PHKA2: variants seen among roughly 807,000 people sequenced by gnomAD.
PHKA2 encodes phosphorylase b kinase regulatory subunit alpha, liver isoform.
A neutral mutation model predicts 102.0 loss-of-function variants in PHKA2; 31 were observed. That is an observed-to-expected ratio of 0.30 (90% CI 0.23 to 0.41). PHKA2 has a LOEUF of 0.41. Ranked by LOEUF, PHKA2 falls within the 10% of genes least tolerant of loss-of-function variation. The probability of loss-of-function intolerance (pLI) is 1.00; values close to 1 mark genes in which losing one functional copy is unlikely to be tolerated. For missense variants in PHKA2, 858 were observed against 1,023.1 expected, an observed-to-expected ratio of 0.84 and a Z score of 2.20; for synonymous variants, 455 against 416.2, an observed-to-expected ratio of 1.09 and a Z score of -1.13.
intron 13 of PHKA2, among the ~76,000 whole-genome samples, chrX:18,927,023 A>G (rs1243005389): frequency 9.0e-6 from 1 of 111,657 alleles, no homozygotes; most frequent in Non-Finnish European, 1.9e-5. Context: ...CGGGGGAAAG[A>G]AGAGTAAGAT....
intron 29 of PHKA2, 84 bp from the exon 30 acceptor site, chrX:18,897,417 G>A (rs770932601): frequency 2.7e-5 from 25 of 928,265 alleles, no homozygotes; most frequent in African/African-American, 2.3e-4. Flanking sequence ...GCGGCCCTGC[G>A]ACCTAGGCAC....
chrX:18,969,837 G>T (rs1412133181), intron 1 of PHKA2, among the ~76,000 whole-genome samples: 11 of 112,083 alleles, frequency 9.8e-5, no homozygotes, highest in Admixed American at 9.5e-4. Context: ...GTGTCCATAA[G>T]CAAGATATAA....
intron 1 of PHKA2, among the ~76,000 whole-genome samples, chrX:18,961,581 C>G (rs1453731797): frequency 2.9e-5 from 3 of 104,881 alleles, no homozygotes; most frequent in African/African-American, 1.1e-4. Flanking sequence ...TCACTTGAAC[C>G]CGGGAGGCGG....
At chrX:18,895,113 C>T (rs372809982) in intron 31 of PHKA2, 25 bp downstream of exon 31, 21 of 1,201,936 alleles carry the variant, frequency 1.7e-5, no homozygotes, top group Middle Eastern at 2.3e-4. Context: ...CAGAGGGGCC[C>T]GCCTCTGCGT....
chrX:18,924,442 G>A lies in PHKA2; in HGVS notation c.1653C>T (p.Cys551=), dbSNP rs758620597. The A allele has an allele frequency of 1.7e-6, 2 of 1,207,254 alleles. No individual in the cohort carries two copies. Among genetic ancestry groups the A allele is most frequent in the Admixed American group, 2.2e-5 (1 of 45,719 alleles). ...EMLRIELAYL[C]TCWRMTGRPT... is the part of the protein sequence containing the mutation. ...GTCTGCCCGTCATCCTCCAGCAGGT[G>A]CACAGGTAGGCCAGCTCGATCCTTA... Residue 551 remains cysteine (C), a synonymous_variant, in exon 16 of 33, where the codon TGC becomes TGT. Transcript: ENST00000379942.
intron 29 of PHKA2, chrX:18,898,144 A>G (rs1173864330): frequency 8.9e-6 from 1 of 112,658 alleles, no homozygotes; most frequent in Non-Finnish European, 1.9e-5. Context: ...GGCTTTCCCT[A>G]TTCTTGGCAC....
intron 32 of PHKA2, 190 bp downstream of exon 32, chrX:18,894,014 A>G: frequency 2.0e-6 from 1 of 488,511 alleles, no homozygotes; most frequent in Admixed American, 2.8e-5. Flanking sequence ...AGACAGGCCT[A>G]TCCATCCCCA....
intron 9 of PHKA2, 151 bp from the exon 10 acceptor site, chrX:18,938,900 G>T: frequency 2.0e-6 from 1 of 507,053 alleles, no homozygotes; most frequent in African/African-American, 2.3e-5. Context: ...GCTGTTTTTG[G>T]CAGTTTGCCA....
chrX:18,911,291 G>A (rs961440078), intron 19 of PHKA2, among the ~76,000 whole-genome samples: 2 of 108,821 alleles, frequency 1.8e-5, no homozygotes, highest in East Asian at 2.9e-4. Context: ...CTCCTGCCTC[G>A]GCCTCCCAAA....
intron 13 of PHKA2, among the ~76,000 whole-genome samples, chrX:18,928,365 C>T (rs2048249450): frequency 1.8e-5 from 2 of 112,193 alleles, no homozygotes. Context: ...GCAAAATGAG[C>T]CAGTGGCTAC....
intron 1 of PHKA2, among the ~76,000 whole-genome samples, chrX:18,962,143 C>T (rs1185074480): frequency 8.9e-6 from 1 of 111,933 alleles, no homozygotes; most frequent in Non-Finnish European, 1.9e-5. Flanking sequence ...CTTAAACAAT[C>T]TTCTTGACTG....
intron 1 of PHKA2, among the ~76,000 whole-genome samples, chrX:18,954,759 A>G: frequency 8.9e-6 from 1 of 112,869 alleles, no homozygotes; most frequent in Middle Eastern, 4.6e-3. Flanking sequence ...AAAGCTGCAT[A>G]TTGCAGACCT....
In PHKA2 at chrX:18,894,297, C is replaced by G; in HGVS notation, c.3444G>C (p.Thr1148=). Residue 1148 remains threonine (T), a synonymous_variant, in exon 32 of 33, where the codon ACG becomes ACC. Transcript: ENST00000379942. The part of the protein sequence containing the change: ...QLLVEAIMVL[T]LLSDTEMTSI... ...TGGTCATCTCCGTGTCCGAGAGCAG[C>G]GTCAGCACCATGATGGCTTCCACCA... 1 of 1,211,282 alleles carries G rather than the reference C, an allele frequency of 8.3e-7. No homozygotes were observed. Among genetic ancestry groups the G allele is most frequent in the Non-Finnish European group, 1.1e-6 (1 of 895,137 alleles).
chrX:18,934,140 T>C (rs1362675152), intron 11 of PHKA2, among the ~76,000 whole-genome samples: 1 of 111,975 alleles, frequency 8.9e-6, no homozygotes, highest in East Asian at 2.8e-4. Flanking sequence ...AAGCGGGATA[T>C]GAACATGTAG....
At chrX:18,952,591 G>A in intron 2 of PHKA2, 50 bp from the exon 3 acceptor site, 5 of 1,135,435 alleles carry the variant, frequency 4.4e-6, no homozygotes, top group Non-Finnish European at 6.0e-6. Context: ...CCTTGCTGCA[G>A]GAAAATCACC....
rs748964864 is a variant in PHKA2 at position 18,957,738 on chromosome X, T to TTATATATATATATATA, written c.79-3342_79-3327dup. ...TTTCCTATGTGTTACTAAAACCAGA[T>TTATATATATATATATA]TATATATATATATATATATATAATT... On this transcript the variant is annotated intron_variant, in intron 1 of 32. Coordinates refer to ENST00000379942, the MANE Select transcript of PHKA2 (RefSeq NM_000292.3). 2.4e-3 allele frequency among the ~76,000 whole-genome samples: 228 copies of TTATATATATATATATA among 95,109 alleles called. 4 individuals carry two copies. The highest frequency in any genetic ancestry group is 8.7e-3 in the African/African-American group (197 of 22,734). 82.6% of individuals were successfully genotyped at this position (95,109 alleles called of 115,157 possible).
intron 1 of PHKA2, among the ~76,000 whole-genome samples, chrX:18,970,771 A>G (rs1483675949): frequency 8.9e-6 from 1 of 112,217 alleles, no homozygotes; most frequent in African/African-American, 3.2e-5. Flanking sequence ...TACATCTTGC[A>G]GCATAGACCA....
chrX:18,968,310 A>T (rs755678346), intron 1 of PHKA2, among the ~76,000 whole-genome samples: 1 of 112,470 alleles, frequency 8.9e-6, no homozygotes, highest in South Asian at 3.7e-4. Context: ...AAATCTCTTT[A>T]ATGTCCGGCT....
intron 11 of PHKA2, 44 bp downstream of exon 11, chrX:18,936,011 A>C (rs775526418): frequency 1.1e-6 from 1 of 875,684 alleles, no homozygotes; most frequent in East Asian, 3.1e-5. Flanking sequence ...TGAGTCACTT[A>C]TTTCTAGATA....
Sources: allele counts gnomAD v4.1 joint callset (sites outside exome capture counted in the v4.1 genomes callset), GRCh38; gene constraint gnomAD v4.1.1; transcripts MANE v1.5; gene names NCBI Gene and HGNC (gene_info 2026-07-23, HGNC 2026-07-21).